The following IST1 variants were observed in gnomAD, a reference collection of about 807,000 sequenced individuals.
IST1 encodes IST1 factor associated with ESCRT-III.
Under a neutral mutation model 37.0 loss-of-function variants are expected in IST1, and 23 were observed. The observed-to-expected ratio is 0.62, with a 90% CI of 0.45 to 0.88. The LOEUF is 0.88. IST1 is among the 40% of genes least tolerant of loss of function. The probability of loss-of-function intolerance (pLI) is 0.00; values close to 1 mark genes in which losing one functional copy is unlikely to be tolerated. For missense variants in IST1, 488 were observed against 445.4 expected, an observed-to-expected ratio of 1.10 and a Z score of -0.86; for synonymous variants, 180 against 161.7, an observed-to-expected ratio of 1.11 and a Z score of -0.86.
chr16:71,921,922 G>T (rs1407578482), intron 6 of IST1, among the ~76,000 whole-genome samples: 1 of 152,206 alleles, frequency 6.6e-6, no homozygotes, highest in East Asian at 1.9e-4. Flanking sequence ...CGGATCACAA[G>T]GTCAGGAGAT....
chr16:71,922,497 G>C lies in IST1; in HGVS notation c.576G>C (p.Glu192Asp). The change falls in exon 7 of 10, where the codon GAG becomes GAC. Residue 192 changes from glutamate to aspartate, a missense_variant. By Grantham distance (45) the Glu-to-Asp change is conservative. This residue lies in a region of IST1 where 455 missense variants were observed against 386.2 expected (regional missense o/e 1.18). Transcript: ENST00000378799. ...AGGCAGAAGCTCCTCCTGGGGTAGA[G>C]ACAGATCTTATTGATGTTGGATTCA... ...VVMAEAPPGV[E>D]TDLIDVGFTD... 1 of 1,614,182 alleles carries C rather than the reference G, an allele frequency of 6.2e-7. No homozygotes were observed. Among genetic ancestry groups the C allele is most frequent in the Non-Finnish European group, 8.5e-7 (1 of 1,180,030 alleles).
chr16:71,921,588 A>C (rs934864760), intron 6 of IST1, 135 bp downstream of exon 6: 1 of 608,166 alleles, frequency 1.6e-6, no homozygotes, highest in East Asian at 2.8e-5. Context: ...CTTTATGACA[A>C]TAAATGTGCC....
In IST1 at chr16:71,930,109, A is replaced by C. The variant is rs2037880422; in HGVS notation, c.*2296A>C. 1 of 1,551,646 alleles carries C rather than the reference A, an allele frequency of 6.4e-7. No homozygotes were observed. The highest frequency in any genetic ancestry group is 1.2e-5 in the South Asian group (1 of 84,052). ...TGAGAATGGCCGAAACGAAAAGATT[A>C]ATTACCACAAGTACCATCAAGATGA... is the stretch of plus-strand genomic sequence containing the variant. On this transcript the variant is annotated 3_prime_UTR_variant, in exon 10 of 10. Transcript: ENST00000378799.
chr16:71,894,635 C>T, upstream of IST1: 1 of 499,208 alleles, frequency 2.0e-6, no homozygotes. Context: ...AAGCGATCTT[C>T]CTGCCTCAGC....
intron 8 of IST1, chr16:71,924,161 C>T (rs1401841983): frequency 8.8e-6 from 4 of 455,812 alleles, no homozygotes; most frequent in Admixed American, 2.4e-5. Flanking sequence ...AACCCACAGC[C>T]GTTGGTAGGA....
Position 71,930,320 on chromosome 16 carries a change from TAATAAG to T in IST1, c.*2510_*2515del. The T allele has an allele frequency of 2.4e-6, 2 of 843,754 alleles. No individual in the cohort carries two copies. Among genetic ancestry groups the T allele is most frequent in the Non-Finnish European group, 3.4e-6 (2 of 591,696 alleles). 52.3% of individuals were successfully genotyped at this position (843,754 alleles called of 1,614,324 possible). A position where few individuals can be genotyped will look rare whatever the true frequency, so the allele number is the denominator to read the frequency against. On this transcript the variant is annotated 3_prime_UTR_variant, in exon 10 of 10. Coordinates refer to ENST00000378799, the MANE Select transcript of IST1 (RefSeq NM_001270975.2). The stretch of plus-strand genomic sequence containing the variant: ...GAAACTTAGGGAGAGAGTCAAAAGA[TAATAAG>T]AAGGAAAATACTTTTAAATGGACAG...
chr16:71,897,337 G>A (rs576622150), intron 1 of IST1, among the ~76,000 whole-genome samples: 14 of 152,138 alleles, frequency 9.2e-5, no homozygotes, highest in Admixed American at 5.2e-4. Context: ...ATCCAGTTTC[G>A]TATATCTTAT....
intron 1 of IST1, among the ~76,000 whole-genome samples, chr16:71,909,790 C>T (rs750757736): frequency 1.3e-5 from 2 of 152,166 alleles, no homozygotes; most frequent in Admixed American, 1.3e-4. Context: ...TCACTGTTTA[C>T]TTGACAAGTT....
intron 2 of IST1, 119 bp from the exon 3 acceptor site, chr16:71,916,343 A>C (rs1275365209): frequency 2.2e-6 from 2 of 923,212 alleles, no homozygotes; most frequent in East Asian, 2.6e-5. Flanking sequence ...AGATTTGCTA[A>C]AGGAGAGGAG....
At chr16:71,921,242 A>G in intron 5 of IST1, 101 bp from the exon 6 acceptor site, 1 of 731,636 alleles carries the variant, frequency 1.4e-6, no homozygotes, top group South Asian at 1.6e-5. Context: ...TTTTTCCCTC[A>G]ATATTACCTG....
intron 1 of IST1, among the ~76,000 whole-genome samples, chr16:71,898,372 A>G (rs2037024981): frequency 6.9e-6 from 1 of 143,938 alleles, no homozygotes; most frequent in African/African-American, 2.6e-5. Flanking sequence ...CTCTCTCAGA[A>G]AAAAAAAAAA....
rs1175488973 is a variant in IST1 at position 71,922,476 on chromosome 16, A to G, written c.555A>G (p.Ala185=). 3 of 1,613,332 alleles carry G rather than the reference A, an allele frequency of 1.9e-6. No homozygotes were observed. Among genetic ancestry groups the G allele is most frequent in the Non-Finnish European group, 2.5e-6 (3 of 1,179,744 alleles). The change falls in exon 7 of 10, where the codon GCA becomes GCG. Residue 185 remains alanine (A), a splice_region_variant and synonymous_variant. Transcript: ENST00000378799. ...CTGGGTTTCTCTTTTTTTCTCAGGCAGAAGCTCCTCCTGGGGTAGAGACAG... is the reference window on the plus strand; with the variant it reads ...CTGGGTTTCTCTTTTTTTCTCAGGCGGAAGCTCCTCCTGGGGTAGAGACAG... ...VPYEPDSVVM[A]EAPPGVETDL... is the part of the protein sequence containing the mutation.
intron 8 of IST1, chr16:71,924,564 C>G (rs2037691305): frequency 8.3e-6 from 5 of 599,306 alleles, no homozygotes; most frequent in Admixed American, 5.8e-5. Context: ...GCACTCCAGC[C>G]TGGGTGACAG....
Position 71,924,798 on chromosome 16 carries a change from C to T in IST1, c.882C>T (p.Ile294=), listed in dbSNP as rs776298719. Residue 294 remains isoleucine, a synonymous_variant, in exon 9 of 10, where the codon ATC becomes ATT. Transcript: ENST00000378799. ...ATGACATTAATGCTGATAAGAATAT[C>T]TCTTCTGCACAGATTGTTGGTGAGT... ...SVDDINADKN[I]SSAQIVGPGP... is the part of the protein sequence containing the mutation. 8.1e-6 allele frequency: 13 copies of T among 1,609,474 alleles called. No individual in the cohort carries two copies. Among genetic ancestry groups the T allele is most frequent in the Non-Finnish European group, 8.5e-6 (10 of 1,175,706 alleles).
At chr16:71,922,374 A>G in intron 6 of IST1, 100 bp from the exon 7 acceptor site, 1 of 958,466 alleles carries the variant, frequency 1.0e-6, no homozygotes, top group Non-Finnish European at 1.6e-6. Flanking sequence ...GAAGCACTCC[A>G]GTAAACTTGC....
intron 9 of IST1, among the ~76,000 whole-genome samples, chr16:71,926,642 G>T (rs971617950): frequency 6.6e-6 from 1 of 152,012 alleles, no homozygotes; most frequent in Non-Finnish European, 1.5e-5. Flanking sequence ...CACCACGCCC[G>T]GCAAACCCAT....
intron 8 of IST1, chr16:71,924,267 A>T (rs1387468712): frequency 2.3e-6 from 1 of 440,244 alleles, no homozygotes; most frequent in African/African-American, 2.0e-5. Context: ...GTATCATTAA[A>T]GTTGTCTTAG....
rs556962365 is a variant in IST1 at position 71,923,540 on chromosome 16, A to G, written c.852+160A>G. 4.2e-4 allele frequency: 196 copies of G among 469,742 alleles called. 4 individuals are homozygous for G. The Admixed American group carries it at 7.6e-3, about 18-fold the overall frequency. 29.1% of individuals were successfully genotyped at this position (469,742 alleles called of 1,614,324 possible). A position where few individuals can be genotyped will look rare whatever the true frequency, so the allele number is the denominator to read the frequency against. ...GTTGCTTTATAACACTACCCTGGAA[A>G]TGTGGAGTGGGTGGTGATGGCAGTA... On this transcript the variant is annotated intron_variant, in intron 8 of 9. Transcript: ENST00000378799.
At chr16:71,903,388 C>G (rs2037152422) in intron 1 of IST1, 2 of 151,882 alleles carry the variant, frequency 1.3e-5, no homozygotes, top group South Asian at 2.1e-4. Context: ...TCAGTACAAA[C>G]CTTTAAAAAA....
Sources: gnomAD v4.1 joint callset for allele counts (sites outside exome capture counted in the v4.1 genomes callset) on GRCh38, gnomAD v4.1.1 for gene constraint, gnomAD v4.1.1 regional missense constraint, MANE v1.5 for transcripts, NCBI Gene and HGNC (gene_info 2026-07-23, HGNC 2026-07-21) for gene names.